Variants in TRPC7 observed in about 807,000 individuals in gnomAD.
TRPC7 encodes the protein short transient receptor potential channel 7.
Under a neutral mutation model 90.1 loss-of-function variants are expected in TRPC7, and 42 were observed. The ratio of observed to expected loss-of-function variants is 0.47; its 90% CI spans 0.36 to 0.60. TRPC7 has a LOEUF of 0.60. TRPC7 is among the 20% of genes least tolerant of loss of function. The pLI, the probability that TRPC7 is intolerant of heterozygous loss-of-function variation, is 0.00. For missense variants in TRPC7, 955 were observed against 1,112.3 expected, an observed-to-expected ratio of 0.86 and a Z score of 2.01; for synonymous variants, 451 against 436.3, an observed-to-expected ratio of 1.03 and a Z score of -0.42.
chr5:136,336,664 C>T (rs1237429005), intron 2 of TRPC7, among the ~76,000 whole-genome samples: 6 of 152,050 alleles, frequency 3.9e-5, no homozygotes, highest in Non-Finnish European at 8.8e-5. Context: ...CCCCCTTTCC[C>T]CCGATCCCAG....
intron 2 of TRPC7, among the ~76,000 whole-genome samples, chr5:136,338,333 T>C (rs1167547422): frequency 6.6e-6 from 1 of 152,222 alleles, no homozygotes; most frequent in East Asian, 1.9e-4. Flanking sequence ...AAAAGGCATA[T>C]AATTTTATCT....
chr5:136,244,907 A>G (rs1410946913), intron 7 of TRPC7, among the ~76,000 whole-genome samples: 1 of 152,190 alleles, frequency 6.6e-6, no homozygotes, highest in African/African-American at 2.4e-5. Flanking sequence ...CTATAGACCA[A>G]TTCAGTACTC....
At chr5:136,224,204 T>C (rs1331252668) in intron 10 of TRPC7, among the ~76,000 whole-genome samples, 4 of 152,152 alleles carry the variant, frequency 2.6e-5, no homozygotes, top group Non-Finnish European at 5.9e-5. Context: ...ATGATCAGCA[T>C]AGGTGAAACT....
chr5:136,226,193 TTC>T lies in TRPC7; in HGVS notation c.2101_2102del (p.Glu701ArgfsTer9). 1.3e-6 allele frequency: 2 copies of T among 1,553,652 alleles called. No individual in the cohort carries two copies. The highest frequency in any genetic ancestry group is 1.7e-6 in the Non-Finnish European group (2 of 1,147,688). On this transcript the variant is annotated frameshift_variant, in exon 9 of 12. Coordinates refer to ENST00000513104, the MANE Select transcript of TRPC7 (RefSeq NM_020389.3). LOFTEE classifies it high-confidence loss of function. ...TAAAAGGAGCAGGTAGAGTTCTTCC[TTC>T]ATCAAAGTAAGACAGCCAGAGTTTT... ...RAKLWLSYFD[E>X]GRTLPAPFNL...
chr5:136,261,359 C>T (rs1028224069), intron 5 of TRPC7, among the ~76,000 whole-genome samples: 4 of 152,076 alleles, frequency 2.6e-5, no homozygotes, highest in South Asian at 2.1e-4. Flanking sequence ...TAGAAAATAT[C>T]GGAAAATAAC....
chr5:136,299,152 T>G (rs886066482), intron 3 of TRPC7, among the ~76,000 whole-genome samples: 1 of 151,862 alleles, frequency 6.6e-6, no homozygotes, highest in Non-Finnish European at 1.5e-5. Context: ...AAATACAAAA[T>G]TAGCTGGGCG....
intron 3 of TRPC7, among the ~76,000 whole-genome samples, chr5:136,302,254 A>G (rs1000037447): frequency 9.9e-5 from 15 of 152,266 alleles, no homozygotes; most frequent in Middle Eastern, 3.4e-3. Context: ...CCACGCAGGG[A>G]CGCCTGCCTT....
At chr5:136,299,230 G>C (rs529915177) in intron 3 of TRPC7, among the ~76,000 whole-genome samples, 37 of 151,914 alleles carry the variant, frequency 2.4e-4, no homozygotes, top group Non-Finnish European at 4.4e-4. Flanking sequence ...GAACTTGGGA[G>C]GTGGAGGTTG....
At chr5:136,351,963 A>G (rs1464185328) in intron 2 of TRPC7, among the ~76,000 whole-genome samples, 1 of 152,180 alleles carries the variant, frequency 6.6e-6, no homozygotes, top group Non-Finnish European at 1.5e-5. Context: ...CTTGCCCCCT[A>G]TTCTTCCCCT....
At position 136,292,935 on chromosome 5, in the gene TRPC7, G is replaced by A. The variant is rs1322516567; in HGVS notation, c.964-18098C>T. 4.6e-5 allele frequency among the ~76,000 whole-genome samples: 7 copies of A among 152,142 alleles called. No homozygotes were observed. In the South Asian group the frequency reaches 1.2e-3, roughly 27 times the overall value. On this transcript the variant is annotated intron_variant, in intron 3 of 11. Coordinates refer to ENST00000513104, the MANE Select transcript of TRPC7 (RefSeq NM_020389.3). ...ATCGAATCCAGCAACACATCAAAAAGCTTATCCACCATGATCAAGTGGGCT... is the reference window on the plus strand; with the variant it reads ...ATCGAATCCAGCAACACATCAAAAAACTTATCCACCATGATCAAGTGGGCT...
chr5:136,357,175 G>T lies in TRPC7; in HGVS notation c.213C>A (p.Phe71Leu). Residue 71 changes from phenylalanine (F) to leucine (L), a missense_variant, in exon 2 of 12, where the codon TTC becomes TTA. Around this residue, in one of 4 missense-constraint regions of TRPC7, gnomAD observed 161 missense variants for 145.7 expected, o/e 1.10. Transcript: ENST00000513104. ...TCTGCCCCATGTAGTCCACACAGTT[G>T]AAGTTAAGGGTCTTGGACTCCTCCA... The part of the protein sequence containing the change: ...KMLEESKTLN[F>L]NCVDYMGQNA... 6.2e-7 allele frequency: 1 copy of T among 1,614,026 alleles called. No homozygotes were observed. The highest frequency in any genetic ancestry group is 8.5e-7 in the Non-Finnish European group (1 of 1,179,956).
chr5:136,330,169 C>G (rs1424448074), intron 2 of TRPC7, among the ~76,000 whole-genome samples: 4 of 152,196 alleles, frequency 2.6e-5, no homozygotes, highest in Admixed American at 2.6e-4. Context: ...GCCCCGCCCC[C>G]ACATGGGGGT....
At chr5:136,309,628 G>T (rs1433031031) in intron 3 of TRPC7, among the ~76,000 whole-genome samples, 1 of 152,140 alleles carries the variant, frequency 6.6e-6, no homozygotes, top group African/African-American at 2.4e-5. Flanking sequence ...GACACATCCA[G>T]GTGAAAGCAC....
At chr5:136,267,305 T>C (rs1479746341) in intron 4 of TRPC7, among the ~76,000 whole-genome samples, 2 of 152,202 alleles carry the variant, frequency 1.3e-5, no homozygotes, top group African/African-American at 4.8e-5. Context: ...CTCCTGTTAA[T>C]GAACTCAGTT....
intron 3 of TRPC7, among the ~76,000 whole-genome samples, chr5:136,283,841 G>A (rs532143623): frequency 1.9e-4 from 29 of 152,284 alleles, no homozygotes; most frequent in Admixed American, 1.5e-3. Flanking sequence ...TTTTTCATGT[G>A]ATTCTGGGCC....
intron 7 of TRPC7, among the ~76,000 whole-genome samples, chr5:136,234,298 T>C (rs1186018679): frequency 1.3e-5 from 2 of 151,882 alleles, no homozygotes; most frequent in Non-Finnish European, 2.9e-5. Flanking sequence ...AGACAAACTA[T>C]ACATTTCTTT....
intron 8 of TRPC7, among the ~76,000 whole-genome samples, chr5:136,230,927 T>C (rs966627739): frequency 6.6e-6 from 1 of 152,192 alleles, no homozygotes; most frequent in African/African-American, 2.4e-5. Context: ...TATGAGTTTC[T>C]CTAGGCAGGA....
rs1285014168 is a variant in TRPC7, at chr5:136,247,535, T to G, written c.1780A>C (p.Met594Leu). 2 of 1,613,832 alleles carry G rather than the reference T, an allele frequency of 1.2e-6. No individual in the cohort carries two copies. Among genetic ancestry groups the G allele is most frequent in the Admixed American group, 1.7e-5 (1 of 60,006 alleles). The change falls in exon 7 of 12, where the codon ATG becomes CTG. Residue 594 changes from methionine to leucine, a missense_variant. Transcript: ENST00000513104. The surrounding 1 kb of genome is among the most constrained non-coding windows in gnomAD (Gnocchi z 4.2). ...GAGTACAGGTTGAACATCCCAATCA[T>G]GAAGGCCACAAATACCATGATGAAA... is the stretch of plus-strand genomic sequence containing the variant. ...VIFIMVFVAF[M>L]IGMFNLYSYY...
In TRPC7 at chr5:136,356,593, A is replaced by G. The variant is rs371139963; in HGVS notation, c.780+15T>C. 1 of 1,521,236 alleles carries G rather than the reference A, an allele frequency of 6.6e-7. No homozygotes were observed. Among genetic ancestry groups the G allele is most frequent in the Non-Finnish European group, 8.8e-7 (1 of 1,133,970 alleles). The allele number at this position is 1,521,236 out of a possible 1,614,324, so 94.2% of individuals were successfully genotyped here. ...CTGGGCAACCTGCCTGCAGGGTGCT[A>G]AGTGGAAGAGTTACCTTAAATTCAG... On this transcript the variant is annotated intron_variant, in intron 2 of 11. Transcript: ENST00000513104.
Sources: allele counts gnomAD v4.1 joint callset (sites outside exome capture counted in the v4.1 genomes callset), GRCh38; gene constraint gnomAD v4.1.1; regional missense constraint gnomAD v4.1.1; non-coding constraint Gnocchi (gnomAD v3.1); transcripts MANE v1.5; gene names NCBI Gene and HGNC (gene_info 2026-07-23, HGNC 2026-07-21).